RIMS1: variants seen among roughly 807,000 people sequenced by gnomAD.
RIMS1 encodes regulating synaptic membrane exocytosis protein 1.
In RIMS1, 83 loss-of-function variants were observed where a neutral mutation model predicts 214.1. The ratio of observed to expected loss-of-function variants is 0.39; its 90% CI spans 0.32 to 0.47. RIMS1 has a LOEUF of 0.47. Among genes scored for constraint, RIMS1 ranks in the 20% least tolerant of loss-of-function variants. RIMS1 has a pLI of 0.99. For missense variants in RIMS1, 2,050 were observed against 2,161.8 expected, an observed-to-expected ratio of 0.95 and a Z score of 1.03; for synonymous variants, 793 against 786.8, an observed-to-expected ratio of 1.01 and a Z score of -0.13.
chr6:72,326,315 T>G (rs567783445), intron 28 of RIMS1, among the ~76,000 whole-genome samples: 1 of 151,812 alleles, frequency 6.6e-6, no homozygotes, highest in South Asian at 2.1e-4. Context: ...AGGACTTCTG[T>G]TTTTTATCCT....
intron 6 of RIMS1, among the ~76,000 whole-genome samples, chr6:72,220,812 A>G (rs1020045493): frequency 1.3e-5 from 2 of 152,078 alleles, no homozygotes; most frequent in Non-Finnish European, 2.9e-5. Context: ...TCTCTTGACA[A>G]TAGGCTTCTT....
At chr6:72,021,815 T>C (rs1277472347) in intron 2 of RIMS1, among the ~76,000 whole-genome samples, 1 of 152,094 alleles carries the variant, frequency 6.6e-6, no homozygotes, top group African/African-American at 2.4e-5. Context: ...GGTATACAGA[T>C]AGGTCTGCAT....
chr6:72,172,035 G>A (rs1026982244), intron 4 of RIMS1, among the ~76,000 whole-genome samples: 3 of 151,546 alleles, frequency 2.0e-5, no homozygotes, highest in Admixed American at 2.0e-4. Flanking sequence ...AAACCAATAT[G>A]GCAAGCAACA....
At chr6:72,298,877 G>A (rs2094354246) in intron 26 of RIMS1, among the ~76,000 whole-genome samples, 1 of 151,904 alleles carries the variant, frequency 6.6e-6, no homozygotes, top group Non-Finnish European at 1.5e-5. Context: ...AGTTAACAAA[G>A]CTAACAAAGA....
At chr6:72,309,995 C>A (rs2154290183) in intron 27 of RIMS1, among the ~76,000 whole-genome samples, 1 of 152,022 alleles carries the variant, frequency 6.6e-6, no homozygotes, top group Non-Finnish European at 1.5e-5. Flanking sequence ...TATTTTATAA[C>A]TATTTTATAA....
intron 22 of RIMS1, among the ~76,000 whole-genome samples, chr6:72,269,695 G>A (rs1239322466): frequency 6.6e-6 from 1 of 151,984 alleles, no homozygotes; most frequent in Non-Finnish European, 1.5e-5. Context: ...AATTCCTTCG[G>A]AACAGGTCCC....
rs181755466 is a variant in RIMS1, at chr6:71,993,853, A to G, written c.245+24790A>G. ...AAAAACTGGAGTTCTTTCAGAAATTATGGCTCAGATATGCACACAATATAT... is the reference window on the plus strand; with the variant it reads ...AAAAACTGGAGTTCTTTCAGAAATTGTGGCTCAGATATGCACACAATATAT... On this transcript the variant is annotated intron_variant, in intron 2 of 33. Transcript: ENST00000521978. Among the ~76,000 whole-genome samples the G allele has an allele frequency of 7.9e-5, 12 of 152,340 alleles. No individual in the cohort carries two copies. In the East Asian group the frequency reaches 2.1e-3, roughly 27 times the overall value.
intron 7 of RIMS1, among the ~76,000 whole-genome samples, 174 bp from the exon 8 acceptor site, chr6:72,235,444 C>G (rs558215260): frequency 2.8e-4 from 42 of 152,158 alleles, no homozygotes; most frequent in African/African-American, 9.9e-4. Flanking sequence ...TGAGTGAGAA[C>G]ATGCAGTGTT....
intron 2 of RIMS1, among the ~76,000 whole-genome samples, chr6:72,024,899 G>GCTTT (rs1815884327): frequency 9.6e-6 from 1 of 103,864 alleles, no homozygotes; most frequent in African/African-American, 3.1e-5. Context: ...AAAATCTGTG[G>GCTTT]GTTTTTTTTT....
At chr6:72,317,776 C>G (rs2095884853) in intron 28 of RIMS1, among the ~76,000 whole-genome samples, 1 of 152,052 alleles carries the variant, frequency 6.6e-6, no homozygotes, top group Non-Finnish European at 1.5e-5. Context: ...CTACACTGTT[C>G]CGAACTTCAA....
At chr6:72,292,390 C>A (rs980213179) in intron 26 of RIMS1, among the ~76,000 whole-genome samples, 1 of 152,032 alleles carries the variant, frequency 6.6e-6, no homozygotes, top group Non-Finnish European at 1.5e-5. Context: ...AATATTTTAT[C>A]TTTTAAAAGA....
At chr6:72,257,341 A>C (rs1212773446) in intron 16 of RIMS1, among the ~76,000 whole-genome samples, 1 of 152,078 alleles carries the variant, frequency 6.6e-6, no homozygotes, top group African/African-American at 2.4e-5. Context: ...CGCAGACAAT[A>C]TAAACCTTTT....
chr6:72,255,874 A>G (rs773747623), intron 16 of RIMS1, among the ~76,000 whole-genome samples: 1 of 152,076 alleles, frequency 6.6e-6, no homozygotes, highest in Non-Finnish European at 1.5e-5. Context: ...CATCTCTACT[A>G]AAAGTACAAA....
intron 29 of RIMS1, among the ~76,000 whole-genome samples, chr6:72,368,841 A>G (rs2098128926): frequency 1.3e-5 from 2 of 152,156 alleles, no homozygotes; most frequent in Admixed American, 1.3e-4. Flanking sequence ...AGAGAGCAGT[A>G]TCACTACAGC....
chr6:72,237,971 A>T, intron 9 of RIMS1, 49 bp downstream of exon 9: 1 of 1,314,078 alleles, frequency 7.6e-7, no homozygotes, highest in Non-Finnish European at 1.1e-6. Context: ...CCATGCATGA[A>T]CATGAATTGG....
In RIMS1 at chr6:72,258,238, C is replaced by A. The variant is rs1340461795; in HGVS notation, c.2884C>A (p.Gln962Lys). 6.2e-7 allele frequency: 1 copy of A among 1,613,380 alleles called. No homozygotes were observed. Among genetic ancestry groups the A allele is most frequent in the Non-Finnish European group, 8.5e-7 (1 of 1,179,556 alleles). The change falls in exon 17 of 34, where the codon CAG (glutamine) becomes AAG (lysine). Residue 962 changes from glutamine to lysine, a missense_variant. Physicochemically the swap from Gln to Lys is moderately conservative, Grantham distance 53. This residue lies in a region of RIMS1 where 889 missense variants were observed against 885.5 expected (regional missense o/e 1.00). Coordinates refer to ENST00000521978, the MANE Select transcript of RIMS1 (RefSeq NM_014989.7). ...AGTATCTCCTCATCGCGGCAATGAT[C>A]AGGGAAAGCCGCGTTCACGTTTACC... is the stretch of plus-strand genomic sequence containing the variant. ...RSVSPHRGNDQGKPRSRLPNV... is the reference protein window; with the variant it reads ...RSVSPHRGNDKGKPRSRLPNV...
intron 29 of RIMS1, among the ~76,000 whole-genome samples, chr6:72,348,656 G>A (rs2097347703): frequency 6.6e-6 from 1 of 151,782 alleles, no homozygotes; most frequent in Non-Finnish European, 1.5e-5. Context: ...TGAGGTTTGG[G>A]CTTCTAGTGT....
intron 2 of RIMS1, among the ~76,000 whole-genome samples, chr6:72,094,151 C>T (rs916668658): frequency 2.8e-5 from 3 of 108,292 alleles, no homozygotes; most frequent in African/African-American, 5.8e-5. Context: ...TAATTTATAC[C>T]TATATGTATA....
chr6:72,252,485 TATA>T (rs1323724245), intron 15 of RIMS1, among the ~76,000 whole-genome samples: 13 of 152,310 alleles, frequency 8.5e-5, no homozygotes, highest in Admixed American at 2.0e-4. Flanking sequence ...AGGCTTTTAG[TATA>T]ATATTTTAAT....
Sources: allele counts gnomAD v4.1 joint callset (sites outside exome capture counted in the v4.1 genomes callset), GRCh38; gene constraint gnomAD v4.1.1; regional missense constraint gnomAD v4.1.1; transcripts MANE v1.5; gene names NCBI Gene and HGNC (gene_info 2026-07-23, HGNC 2026-07-21).